The following MDM4 variants were observed in gnomAD, a reference collection of about 807,000 sequenced individuals.
MDM4 encodes MDM4 regulator of p53.
Under a neutral mutation model 60.2 loss-of-function variants are expected in MDM4, and 2 were observed. The observed-to-expected ratio is 0.03, with a 90% CI of 0.01 to 0.10. The LOEUF is 0.10. MDM4 is among the 10% of genes least tolerant of loss of function. The probability of loss-of-function intolerance (pLI) is 1.00; values close to 1 mark genes in which losing one functional copy is unlikely to be tolerated. For synonymous variants in MDM4, 202 were observed against 198.1 expected (o/e 1.02, Z -0.17); for missense variants, 447 against 577.5 (o/e 0.77, Z 2.32).
chr1:204,547,577 G>A (rs896139292), intron 10 of MDM4, among the ~76,000 whole-genome samples: 3 of 152,200 alleles, frequency 2.0e-5, no homozygotes, highest in African/African-American at 7.2e-5. Flanking sequence ...GTTGTTTCTG[G>A]TGTTGATCCT....
At chr1:204,518,242 A>G (rs1257761978) in intron 1 of MDM4, among the ~76,000 whole-genome samples, 3 of 151,966 alleles carry the variant, frequency 2.0e-5, no homozygotes, top group Non-Finnish European at 4.4e-5. Context: ...ACAGCCTGAA[A>G]CTCCTGGACT....
At chr1:204,543,002 G>C in intron 8 of MDM4, 58 bp downstream of exon 8, 3 of 1,385,492 alleles carry the variant, frequency 2.2e-6, no homozygotes, top group Admixed American at 3.8e-5. Flanking sequence ...TAACATTCTT[G>C]GTTACTCTTG....
intron 1 of MDM4, among the ~76,000 whole-genome samples, chr1:204,521,618 C>G (rs1302496067): frequency 6.6e-6 from 1 of 152,104 alleles, no homozygotes; most frequent in African/African-American, 2.4e-5. Context: ...AAAACATGAG[C>G]CTGCCAGGCC....
intron 10 of MDM4, among the ~76,000 whole-genome samples, chr1:204,548,900 A>C (rs1267592761): frequency 6.6e-6 from 1 of 152,166 alleles, no homozygotes; most frequent in Non-Finnish European, 1.5e-5. Context: ...TAACTATATC[A>C]GATTTTGGCT....
chr1:204,541,394 G>A (rs1258692707), intron 7 of MDM4, among the ~76,000 whole-genome samples: 2 of 152,164 alleles, frequency 1.3e-5, no homozygotes, highest in Non-Finnish European at 2.9e-5. Context: ...TTGAGCCCAA[G>A]AGGTGGAGAT....
chr1:204,520,745 G>C (rs867442135), intron 1 of MDM4, among the ~76,000 whole-genome samples: 1 of 152,020 alleles, frequency 6.6e-6, no homozygotes, highest in African/African-American at 2.4e-5. Context: ...GAATGGTGGC[G>C]CATGCCTGTA....
rs376084672 is a variant in MDM4, at chr1:204,532,238, C to G, written c.335C>G (p.Ala112Gly). Residue 112 changes from alanine (A) to glycine (G), a missense_variant, in exon 5 of 11, where the codon GCT becomes GGT. Physicochemically the swap from Ala to Gly is moderately conservative, Grantham distance 60. Coordinates refer to ENST00000367182, the MANE Select transcript of MDM4 (RefSeq NM_002393.5). Reference sequence around the variant, plus strand: ...AAGAATCTTGTCACTTTAGCCACTGCTACTACAGGTATGTCACATCATATT... The same window carrying G: ...AAGAATCTTGTCACTTTAGCCACTGGTACTACAGGTATGTCACATCATATT... ...LRKNLVTLAT[A>G]TTDAAQTLAL... The G allele has an allele frequency of 6.3e-7, 1 of 1,591,332 alleles. No individual in the cohort carries two copies. The highest frequency in any genetic ancestry group is 1.3e-5 in the African/African-American group (1 of 74,486).
At chr1:204,532,526 T>C (rs996374907) in intron 5 of MDM4, 2 of 553,790 alleles carry the variant, frequency 3.6e-6, no homozygotes, top group African/African-American at 3.8e-5. Context: ...ATAAGGACTT[T>C]TTTCTCCAAA....
intron 3 of MDM4, chr1:204,528,824 A>G (rs1660528261): frequency 6.8e-7 from 1 of 1,470,164 alleles, no homozygotes; most frequent in Non-Finnish European, 9.5e-7. Flanking sequence ...GGTGCACTCC[A>G]CTCTCCACAG....
intron 5 of MDM4, among the ~76,000 whole-genome samples, chr1:204,533,860 G>T (rs554676407): frequency 6.7e-6 from 1 of 148,434 alleles, no homozygotes; most frequent in Non-Finnish European, 1.5e-5. Flanking sequence ...ATAGTTCACT[G>T]CAGCCTTTAC....
Position 204,556,611 on chromosome 1 carries a change from G to A in MDM4, c.*6929G>A, listed in dbSNP as rs180804288. ...CTGAGGAGGCTGAGGTGGGAGGATC[G>A]CTTGAGCCTGGGAGGTGGAGGTTGC... On this transcript the variant is annotated 3_prime_UTR_variant, in exon 11 of 11. Transcript: ENST00000367182. The A allele has an allele frequency of 1.5e-5, 3 of 200,790 alleles. No homozygotes were observed. Among genetic ancestry groups the A allele is most frequent in the Non-Finnish European group, 3.1e-5 (3 of 97,468 alleles). The allele number at this position is 200,790 out of a possible 1,614,324, so 12.4% of individuals were successfully genotyped here. A position where few individuals can be genotyped will look rare whatever the true frequency, so the allele number is the denominator to read the frequency against.
intron 1 of MDM4, among the ~76,000 whole-genome samples, chr1:204,519,193 G>A (rs1659299679): frequency 6.6e-6 from 1 of 152,264 alleles, no homozygotes; most frequent in Admixed American, 6.5e-5. Flanking sequence ...TATCTTTACA[G>A]CAATAGCAAG....
At chr1:204,532,379 T>C in intron 5 of MDM4, 133 bp downstream of exon 5, 1 of 652,888 alleles carries the variant, frequency 1.5e-6, no homozygotes, top group East Asian at 2.7e-5. Context: ...ACATACTACC[T>C]GTCACACAGA....
At chr1:204,527,309 C>CT (rs1463186421) in intron 3 of MDM4, among the ~76,000 whole-genome samples, 1 of 151,930 alleles carries the variant, frequency 6.6e-6, no homozygotes, top group African/African-American at 2.4e-5. Flanking sequence ...AAAAAAGACA[C>CT]TGTCTGATTT....
In MDM4 at chr1:204,539,524, T is replaced by G. The variant is rs145565848; in HGVS notation, c.511+1216T>G. On this transcript the variant is annotated intron_variant, in intron 7 of 10. Coordinates refer to ENST00000367182, the MANE Select transcript of MDM4 (RefSeq NM_002393.5). ...CCAAAATCTGAAAACTTGTTTTTTT[T>G]TTTTGTTTTGTTTTGTTTTTTTTTT... is the stretch of plus-strand genomic sequence containing the variant. 6.0e-3 allele frequency among the ~76,000 whole-genome samples: 893 copies of G among 147,904 alleles called. 11 individuals carry two copies. The highest frequency in any genetic ancestry group is 0.015 in the African/African-American group (608 of 41,014).
chr1:204,535,216 G>A (rs1661277104), intron 5 of MDM4, among the ~76,000 whole-genome samples: 1 of 146,612 alleles, frequency 6.8e-6, no homozygotes, highest in South Asian at 2.1e-4. Context: ...GGAGTGCAGT[G>A]GCATGATTTT....
chr1:204,538,043 TGAG>T, intron 6 of MDM4, 163 bp from the exon 7 acceptor site: 2 of 769,470 alleles, frequency 2.6e-6, no homozygotes, highest in South Asian at 2.7e-5. Flanking sequence ...CACAGTGGGT[TGAG>T]GAGAGGTGTT....
rs1387053905 is a variant in MDM4 at position 204,526,392 on chromosome 1, G to A, written c.111G>A (p.Leu37=). The part of the protein sequence containing the change: ...VRPKLPLLKI[L]HAAGAQGEMF... Reference sequence around the variant, plus strand: ...CAAAACTGCCGCTTTTGAAGATTTTGCATGCAGCAGGTGCGCAAGGTGAAA... The same window carrying A: ...CAAAACTGCCGCTTTTGAAGATTTTACATGCAGCAGGTGCGCAAGGTGAAA... Residue 37 remains leucine (L), a synonymous_variant, in exon 3 of 11, where the codon TTG becomes TTA. Transcript: ENST00000367182. The A allele has an allele frequency of 6.2e-7, 1 of 1,613,824 alleles. No individual in the cohort carries two copies. The highest frequency in any genetic ancestry group is 1.7e-5 in the Admixed American group (1 of 60,000).
intron 7 of MDM4, among the ~76,000 whole-genome samples, chr1:204,541,434 TATC>T (rs1156926965): frequency 6.6e-6 from 1 of 152,022 alleles, no homozygotes; most frequent in Non-Finnish European, 1.5e-5. Context: ...AGTGAATCAA[TATC>T]ATGTCACTGC....
Sources: allele counts gnomAD v4.1 joint callset (sites outside exome capture counted in the v4.1 genomes callset), GRCh38; gene constraint gnomAD v4.1.1; transcripts MANE v1.5; gene names NCBI Gene and HGNC (gene_info 2026-07-23, HGNC 2026-07-21).